SLC28A3: variants seen among roughly 807,000 people sequenced by gnomAD.
SLC28A3 encodes the protein concentrative Na(+)-nucleoside cotransporter 3.
SLC28A3 carries 68 observed loss-of-function variants against 84.2 expected under a neutral mutation model. The observed-to-expected ratio is 0.81, with a 90% confidence interval of 0.66 to 0.99. SLC28A3 has a LOEUF of 0.99. Ranked by LOEUF, SLC28A3 falls within the 50% of genes least tolerant of loss-of-function variation. The pLI is 0.00. For synonymous variants in SLC28A3, 267 were observed against 303.6 expected (o/e 0.88, Z 1.25); for missense variants, 712 against 841.5 (o/e 0.85, Z 1.90).
chr9:84,284,087 T>C (rs191983137), intron 14 of SLC28A3, among the ~76,000 whole-genome samples: 23 of 152,288 alleles, frequency 1.5e-4, no homozygotes, highest in Admixed American at 6.5e-5. Context: ...CAAAATTGCT[T>C]CGTGCTGCCA....
At chr9:84,288,349 C>G (rs890851201) in intron 11 of SLC28A3, among the ~76,000 whole-genome samples, 171 bp from the exon 12 acceptor site, 1 of 152,118 alleles carries the variant, frequency 6.6e-6, no homozygotes, top group Non-Finnish European at 1.5e-5. Flanking sequence ...TGAGCCAAGT[C>G]GCGGGCATCA....
intron 8 of SLC28A3, 133 bp from the exon 9 acceptor site, chr9:84,294,408 T>A: frequency 1.3e-6 from 1 of 783,364 alleles, no homozygotes; most frequent in Non-Finnish European, 2.1e-6. Context: ...TCTTGAACTT[T>A]AATCAGGCAG....
At chr9:84,309,277 C>G (rs952569053) in intron 3 of SLC28A3, among the ~76,000 whole-genome samples, 4 of 151,888 alleles carry the variant, frequency 2.6e-5, no homozygotes, top group African/African-American at 9.7e-5. Flanking sequence ...AATCCCAACA[C>G]TTTGGGAGGT....
At chr9:84,334,966 C>T (rs1016699630) in intron 1 of SLC28A3, among the ~76,000 whole-genome samples, 2 of 151,124 alleles carry the variant, frequency 1.3e-5, no homozygotes, top group Non-Finnish European at 2.9e-5. Context: ...CTTTCTCTCC[C>T]TGTGGCCCTC....
the SLC28A3 span, among the ~76,000 whole-genome samples, chr9:84,353,553 T>C: frequency 6.0e-3 from 911 of 152,140 alleles, 10 homozygotes; most frequent in African/African-American, 0.021. Context: ...CTACTAAAAA[T>C]ACAAAAATTA....
At chr9:84,312,695 C>T (rs1454710775) in intron 2 of SLC28A3, among the ~76,000 whole-genome samples, 5 of 152,148 alleles carry the variant, frequency 3.3e-5, no homozygotes, top group East Asian at 3.9e-4. Context: ...CACGCCACCA[C>T]GCCCAGCTAA....
intron 3 of SLC28A3, 90 bp from the exon 4 acceptor site, chr9:84,305,435 T>A: frequency 1.9e-6 from 2 of 1,070,764 alleles, no homozygotes; most frequent in Non-Finnish European, 1.4e-6. Flanking sequence ...CTTTGTAAAC[T>A]AAGAAGGCAA....
chr9:84,314,290 C>A (rs58775000), intron 1 of SLC28A3, among the ~76,000 whole-genome samples: 8,274 of 152,122 alleles, frequency 0.054, 752 homozygotes, highest in African/African-American at 0.19. Flanking sequence ...CCGTCCGGAC[C>A]CCTCAGCTGC....
intron 1 of SLC28A3, among the ~76,000 whole-genome samples, chr9:84,326,813 C>G (rs1262023382): frequency 6.6e-6 from 1 of 152,120 alleles, no homozygotes; most frequent in Non-Finnish European, 1.5e-5. Context: ...TGAGACCAGC[C>G]TGGCCAACAC....
the SLC28A3 span, among the ~76,000 whole-genome samples, chr9:84,365,217 C>T: frequency 6.6e-6 from 1 of 152,178 alleles, no homozygotes; most frequent in South Asian, 2.1e-4. Context: ...CCCATTATAA[C>T]TGGGGTGAGA....
intron 3 of SLC28A3, 58 bp downstream of exon 3, chr9:84,309,571 A>G: frequency 7.7e-7 from 1 of 1,292,164 alleles, no homozygotes; most frequent in Non-Finnish European, 1.1e-6. Context: ...GGATAAAACA[A>G]AGTAATAAAA....
intron 1 of SLC28A3, among the ~76,000 whole-genome samples, chr9:84,331,908 T>C (rs1164305019): frequency 1.3e-5 from 2 of 152,180 alleles, no homozygotes; most frequent in Admixed American, 1.3e-4. Context: ...AAAAAGCCTC[T>C]CCCAAATATG....
intron 14 of SLC28A3, among the ~76,000 whole-genome samples, chr9:84,283,558 C>T (rs1241959215): frequency 1.3e-5 from 2 of 152,344 alleles, no homozygotes; most frequent in Non-Finnish European, 2.9e-5. Context: ...AGAAGGATGC[C>T]TTACTTTTTC....
At chr9:84,365,015 C>T in the SLC28A3 span, among the ~76,000 whole-genome samples, 2 of 152,156 alleles carry the variant, frequency 1.3e-5, no homozygotes, top group African/African-American at 4.8e-5. Context: ...ATACTGACTT[C>T]CTTTCTTTTG....
Position 84,299,678 on chromosome 9 carries a change from A to G in SLC28A3, c.572T>C (p.Phe191Ser), listed in dbSNP as rs754918107. The G allele has an allele frequency of 1.9e-6, 3 of 1,612,802 alleles. No homozygotes were observed. Among genetic ancestry groups the G allele is most frequent in the Non-Finnish European group, 1.7e-6 (2 of 1,179,734 alleles). The change falls in exon 6 of 18, where the codon TTT becomes TCT. Residue 191 changes from phenylalanine (F) to serine (S), a missense_variant. Coordinates refer to ENST00000376238, the MANE Select transcript of SLC28A3 (RefSeq NM_001199633.2). ...CTGTTGACCCAATTTGGCAGTGTCA[A>G]AGGCCAACCAGAAAATAACTGCTAG... Reference protein sequence around the residue: ...LVLAVIFWLAFDTAKLGQQQL... With the variant: ...LVLAVIFWLASDTAKLGQQQL...
the SLC28A3 span, among the ~76,000 whole-genome samples, chr9:84,358,706 ACTGTGAGGGAGAACAACCT>A: frequency 6.6e-6 from 1 of 152,210 alleles, no homozygotes; most frequent in East Asian, 1.9e-4. Context: ...GTTCACCCTC[ACTGTGAGGGAGAACAACCT>A]TTTGTTGTTA....
At chr9:84,307,445 A>ACAAAAAAAG (rs72338719) in intron 3 of SLC28A3, among the ~76,000 whole-genome samples, 25,295 of 146,180 alleles carry the variant, frequency 0.17, 2,418 homozygotes, top group Admixed American at 0.22. Context: ...AAAAAAAAAA[A>ACAAAAAAAG]CAAAAACAAA....
At chr9:84,298,488 A>C (rs1825505027) in intron 6 of SLC28A3, among the ~76,000 whole-genome samples, 1 of 149,762 alleles carries the variant, frequency 6.7e-6, no homozygotes, top group African/African-American at 2.6e-5. Context: ...CTCCATCTCA[A>C]GAAAAAAACA....
chr9:84,311,306 A>G (rs545237841), intron 2 of SLC28A3, among the ~76,000 whole-genome samples: 2 of 152,296 alleles, frequency 1.3e-5, no homozygotes, highest in African/African-American at 4.8e-5. Context: ...AGCAGTTTTA[A>G]GTTCACAGCA....
Sources: allele counts gnomAD v4.1 joint callset (sites outside exome capture counted in the v4.1 genomes callset), GRCh38; gene constraint gnomAD v4.1.1; transcripts MANE v1.5; gene names NCBI Gene and HGNC (gene_info 2026-07-23, HGNC 2026-07-21).